DCLK2: variants seen among roughly 807,000 people sequenced by gnomAD.
The protein encoded by DCLK2 is doublecortin like kinase 2.
In DCLK2, 31 loss-of-function variants were observed where a neutral mutation model predicts 78.4. The ratio of observed to expected loss-of-function variants is 0.40; its 90% CI spans 0.30 to 0.53. DCLK2 has a LOEUF of 0.53. Among genes scored for constraint, DCLK2 ranks in the 20% least tolerant of loss-of-function variants. The pLI is 0.61. For synonymous variants in DCLK2, 407 were observed against 374.9 expected, an observed-to-expected ratio of 1.09 and a Z score of -0.99; for missense variants, 872 against 973.7, an observed-to-expected ratio of 0.90 and a Z score of 1.39.
chr4:150,221,530 C>G (rs1741187786), intron 6 of DCLK2, 147 bp from the exon 7 acceptor site: 1 of 512,318 alleles, frequency 2.0e-6, no homozygotes, highest in Non-Finnish European at 3.4e-6. Flanking sequence ...TTCAGGTGTT[C>G]TATTCAGGAA....
intron 2 of DCLK2, among the ~76,000 whole-genome samples, chr4:150,188,732 T>G (rs1738148522): frequency 6.6e-6 from 1 of 151,660 alleles, no homozygotes; most frequent in Non-Finnish European, 1.5e-5. Context: ...AAGCCCCATC[T>G]CTACTAAAAA....
chr4:150,141,586 G>A (rs993655214), intron 2 of DCLK2, among the ~76,000 whole-genome samples: 2 of 152,142 alleles, frequency 1.3e-5, no homozygotes, highest in African/African-American at 4.8e-5. Context: ...CCAGGGTTCT[G>A]GGAATATTCA....
chr4:150,127,852 A>G (rs1733028266), intron 2 of DCLK2, among the ~76,000 whole-genome samples: 1 of 152,164 alleles, frequency 6.6e-6, no homozygotes, highest in Non-Finnish European at 1.5e-5. Context: ...TAAGAGCATC[A>G]TTATAGAACA....
chr4:150,237,463 T>C (rs1442908470), intron 10 of DCLK2, among the ~76,000 whole-genome samples: 1 of 152,190 alleles, frequency 6.6e-6, no homozygotes, highest in Admixed American at 6.5e-5. Context: ...GTCATAAAGA[T>C]ATGTGTTAGA....
At chr4:150,174,635 A>G (rs1736812767) in intron 2 of DCLK2, among the ~76,000 whole-genome samples, 1 of 152,012 alleles carries the variant, frequency 6.6e-6, no homozygotes, top group Non-Finnish European at 1.5e-5. Flanking sequence ...TACTGAATGT[A>G]GTAATTTCAG....
rs775545339 is a variant in DCLK2, at chr4:150,172,447, C to CA, written c.757-20681dup. Among the ~76,000 whole-genome samples, 461 of 146,852 alleles carry CA rather than the reference C, an allele frequency of 3.1e-3. 16 individuals are homozygous for CA. The East Asian group carries it at 0.065, about 21-fold the overall frequency. ...CGAAACCCCATCTCTACGAAAAATA[C>CA]AAAAAAAAAATTAGCCGGGCATCAT... On this transcript the variant is annotated intron_variant, in intron 2 of 15. Coordinates refer to ENST00000296550, the MANE Select transcript of DCLK2 (RefSeq NM_001040260.4).
chr4:150,148,153 C>A (rs1157037224), intron 2 of DCLK2, among the ~76,000 whole-genome samples: 1 of 152,032 alleles, frequency 6.6e-6, no homozygotes, highest in African/African-American at 2.4e-5. Context: ...AGATTGAGCT[C>A]CGTAGTTCGA....
chr4:150,243,263 C>T (rs954307243), intron 12 of DCLK2, among the ~76,000 whole-genome samples: 2 of 152,116 alleles, frequency 1.3e-5, no homozygotes, highest in African/African-American at 2.4e-5. Flanking sequence ...AGCTGCTGCC[C>T]TTATATGCTG....
intron 10 of DCLK2, among the ~76,000 whole-genome samples, chr4:150,236,654 G>A (rs1033629472): frequency 6.6e-6 from 1 of 152,172 alleles, no homozygotes; most frequent in Non-Finnish European, 1.5e-5. Flanking sequence ...GTGTGTCTCT[G>A]TATCTATCTA....
chr4:150,128,152 A>G (rs895696685), intron 2 of DCLK2, among the ~76,000 whole-genome samples: 4 of 152,158 alleles, frequency 2.6e-5, no homozygotes, highest in African/African-American at 9.7e-5. Flanking sequence ...ATTAATGGGT[A>G]GAGGCCAGGG....
At chr4:150,243,901 A>G (rs1743105784) in intron 12 of DCLK2, among the ~76,000 whole-genome samples, 1 of 142,290 alleles carries the variant, frequency 7.0e-6, no homozygotes, top group Admixed American at 7.3e-5. Context: ...ATAGGGTCTC[A>G]CTTTGTTGCC....
intron 1 of DCLK2, among the ~76,000 whole-genome samples, chr4:150,088,979 T>C (rs1729852665): frequency 6.6e-6 from 1 of 152,246 alleles, no homozygotes; most frequent in Non-Finnish European, 1.5e-5. Context: ...TGTACATTAC[T>C]CACTGTTTTG....
intron 2 of DCLK2, among the ~76,000 whole-genome samples, chr4:150,145,010 A>G (rs1398287164): frequency 1.3e-5 from 2 of 152,126 alleles, no homozygotes; most frequent in South Asian, 2.1e-4. Context: ...TGAGAGTGAG[A>G]TGTTTTTCCT....
chr4:150,176,658 TCTC>T (rs1319787860), intron 2 of DCLK2, among the ~76,000 whole-genome samples: 1 of 152,178 alleles, frequency 6.6e-6, no homozygotes, highest in African/African-American at 2.4e-5. Flanking sequence ...AGGCTCTTCT[TCTC>T]AGGCTAAATA....
intron 10 of DCLK2, among the ~76,000 whole-genome samples, chr4:150,239,326 G>A (rs142186587): frequency 1.6e-3 from 248 of 152,264 alleles, no homozygotes; most frequent in African/African-American, 5.8e-3. Flanking sequence ...TGTCGGGCAC[G>A]GTAGCTCATG....
At chr4:150,127,348 A>T (rs1176316359) in intron 2 of DCLK2, among the ~76,000 whole-genome samples, 4 of 152,168 alleles carry the variant, frequency 2.6e-5, no homozygotes. Flanking sequence ...ATATTTCCAC[A>T]TTTCCTTCTA....
chr4:150,165,973 C>G (rs1580630974), intron 2 of DCLK2, among the ~76,000 whole-genome samples: 1 of 152,090 alleles, frequency 6.6e-6, no homozygotes, highest in African/African-American at 2.4e-5. Flanking sequence ...TCCACCTTCC[C>G]CCTTCAACTG....
chr4:150,102,091 T>G (rs376855865), intron 1 of DCLK2, among the ~76,000 whole-genome samples: 1 of 152,190 alleles, frequency 6.6e-6, no homozygotes, highest in Non-Finnish European at 1.5e-5. Flanking sequence ...TCTACCAGAA[T>G]GAGATTTCTA....
chr4:150,152,372 C>G (rs535878614), intron 2 of DCLK2, among the ~76,000 whole-genome samples: 1 of 152,318 alleles, frequency 6.6e-6, no homozygotes, highest in Admixed American at 6.5e-5. Context: ...ACCTCCACCT[C>G]CCCGGTTCAA....
Sources: allele counts gnomAD v4.1 joint callset (sites outside exome capture counted in the v4.1 genomes callset), GRCh38; gene constraint gnomAD v4.1.1; transcripts MANE v1.5; gene names NCBI Gene and HGNC (gene_info 2026-07-23, HGNC 2026-07-21).